The following PLCXD3 variants were observed in gnomAD, a reference collection of about 807,000 sequenced individuals.
PLCXD3 encodes phosphatidylinositol specific phospholipase C X domain containing 3, also known as PI-PLC X domain-containing protein 3.
A neutral mutation model predicts 25.5 loss-of-function variants in PLCXD3; 19 were observed. That is an observed-to-expected ratio of 0.75 (90% CI 0.52 to 1.09). The LOEUF is 1.09. Among genes scored for constraint, PLCXD3 ranks in the 50% least tolerant of loss-of-function variants. The pLI is 0.00. For synonymous variants in PLCXD3, 174 were observed against 137.6 expected (o/e 1.26, Z -1.85); for missense variants, 411 against 388.1 (o/e 1.06, Z -0.50).
At chr5:41,407,948 T>C (rs919038540) in intron 1 of PLCXD3, among the ~76,000 whole-genome samples, 1 of 152,198 alleles carries the variant, frequency 6.6e-6, no homozygotes, top group Non-Finnish European at 1.5e-5. Flanking sequence ...ATATTCAAGA[T>C]GCTAAATTTG....
chr5:41,431,836 G>C (rs571268385), intron 1 of PLCXD3, among the ~76,000 whole-genome samples: 1 of 152,218 alleles, frequency 6.6e-6, no homozygotes, highest in African/African-American at 2.4e-5. Context: ...TTTATTTTTA[G>C]AAATGTAGGA....
chr5:41,327,304 C>T (rs546773268), intron 2 of PLCXD3, among the ~76,000 whole-genome samples: 11 of 152,128 alleles, frequency 7.2e-5, no homozygotes, highest in East Asian at 5.8e-4. Flanking sequence ...TTGGCCAGGT[C>T]GTTAAGGACT....
intron 2 of PLCXD3, among the ~76,000 whole-genome samples, chr5:41,338,419 C>T (rs1478922688): frequency 1.3e-5 from 2 of 151,966 alleles, no homozygotes; most frequent in African/African-American, 4.8e-5. Flanking sequence ...TGAGAATAGC[C>T]CTGCTACTAC....
intron 1 of PLCXD3, among the ~76,000 whole-genome samples, chr5:41,415,487 C>G (rs1561266819): frequency 6.6e-6 from 1 of 152,198 alleles, no homozygotes; most frequent in Non-Finnish European, 1.5e-5. Flanking sequence ...AGAAATGACT[C>G]TCTTGTGTTG....
chr5:41,499,227 A>G (rs1328366549), intron 1 of PLCXD3, among the ~76,000 whole-genome samples: 2 of 151,624 alleles, frequency 1.3e-5, no homozygotes, highest in African/African-American at 2.4e-5. Context: ...ATCTCTGTAG[A>G]TAACATTTTA....
chr5:41,434,423 C>T (rs76120205), intron 1 of PLCXD3, among the ~76,000 whole-genome samples: 4,069 of 152,262 alleles, frequency 0.027, 89 homozygotes, highest in Non-Finnish European at 0.04. Flanking sequence ...GGGAGAATGG[C>T]TAATACCAGA....
At chr5:41,352,844 A>G (rs1481380976) in intron 2 of PLCXD3, among the ~76,000 whole-genome samples, 1 of 152,182 alleles carries the variant, frequency 6.6e-6, no homozygotes, top group Non-Finnish European at 1.5e-5. Context: ...GGAGTTAATT[A>G]CAAGAAAGGC....
chr5:41,387,766 C>T (rs529721689), intron 1 of PLCXD3, among the ~76,000 whole-genome samples: 20 of 152,208 alleles, frequency 1.3e-4, no homozygotes, highest in African/African-American at 4.6e-4. Flanking sequence ...TTATCAAGCA[C>T]CTGCTATAAG....
At chr5:41,498,650 T>C (rs866588791) in intron 1 of PLCXD3, among the ~76,000 whole-genome samples, 2 of 151,796 alleles carry the variant, frequency 1.3e-5, no homozygotes, top group South Asian at 2.1e-4. Context: ...CCAAATTCAT[T>C]CTGTGAGATC....
intron 2 of PLCXD3, among the ~76,000 whole-genome samples, chr5:41,369,575 G>A (rs1388885328): frequency 2.0e-5 from 3 of 152,014 alleles, no homozygotes; most frequent in African/African-American, 4.8e-5. Flanking sequence ...CGGCCTCCTG[G>A]GTTCAAGTGA....
In PLCXD3 at chr5:41,453,010, T is replaced by C. The variant is rs570919908; in HGVS notation, c.103+57414A>G. Reference sequence around the variant, plus strand: ...ATTTCACATATTTGTCATTCATTTGTAATGAGAATATTTAAAATCTACCCT... The same window carrying C: ...ATTTCACATATTTGTCATTCATTTGCAATGAGAATATTTAAAATCTACCCT... On this transcript the variant is annotated intron_variant, in intron 1 of 2. Coordinates refer to ENST00000377801, the MANE Select transcript of PLCXD3 (RefSeq NM_001005473.3). Among the ~76,000 whole-genome samples the C allele has an allele frequency of 6.6e-5, 10 of 152,130 alleles. No individual in the cohort carries two copies. In the South Asian group the frequency reaches 1.9e-3, roughly 28 times the overall value.
At position 41,464,989 on chromosome 5, in the gene PLCXD3, C is replaced by T. The variant is rs560779251; in HGVS notation, c.103+45435G>A. Among the ~76,000 whole-genome samples the T allele has an allele frequency of 2.0e-5, 3 of 152,092 alleles. No individual in the cohort carries two copies. The South Asian group carries it at 6.2e-4, about 32-fold the overall frequency. On this transcript the variant is annotated intron_variant, in intron 1 of 2. Coordinates refer to ENST00000377801, the MANE Select transcript of PLCXD3 (RefSeq NM_001005473.3). Reference sequence around the variant, plus strand: ...GTAGTGGTCATTTTCAAAATATCTGCTTCTTGTTTCATCATCCCTTGTTCT... The same window carrying T: ...GTAGTGGTCATTTTCAAAATATCTGTTTCTTGTTTCATCATCCCTTGTTCT...
intron 2 of PLCXD3, among the ~76,000 whole-genome samples, chr5:41,369,895 A>C (rs1472528642): frequency 6.6e-6 from 1 of 152,232 alleles, no homozygotes; most frequent in Non-Finnish European, 1.5e-5. Flanking sequence ...AGTAGCAGAC[A>C]ACACAGTGAA....
chr5:41,427,500 T>G (rs1252446328), intron 1 of PLCXD3, among the ~76,000 whole-genome samples: 1 of 152,208 alleles, frequency 6.6e-6, no homozygotes. Context: ...ATTATTTTAC[T>G]CTCCTTAATA....
At chr5:41,427,267 T>C (rs1746982861) in intron 1 of PLCXD3, among the ~76,000 whole-genome samples, 1 of 152,142 alleles carries the variant, frequency 6.6e-6, no homozygotes, top group South Asian at 2.1e-4. Context: ...TATCCTCTAG[T>C]TTGTATTCCA....
intron 1 of PLCXD3, chr5:41,475,498 C>G (rs1580391870): frequency 2.2e-6 from 1 of 450,548 alleles, no homozygotes; most frequent in East Asian, 5.6e-5. Context: ...AAATCCCTGT[C>G]TTTCCCTACC....
At chr5:41,315,079 A>T (rs766918382) in intron 2 of PLCXD3, among the ~76,000 whole-genome samples, 1 of 152,176 alleles carries the variant, frequency 6.6e-6, no homozygotes, top group Non-Finnish European at 1.5e-5. Flanking sequence ...TGCTGACAGA[A>T]TCATGGTGTG....
At chr5:41,393,277 T>C (rs1745891757) in intron 1 of PLCXD3, among the ~76,000 whole-genome samples, 1 of 152,158 alleles carries the variant, frequency 6.6e-6, no homozygotes, top group South Asian at 2.1e-4. Flanking sequence ...AGTCATCAGT[T>C]TCCAAAGCTC....
At chr5:41,360,426 G>A (rs560048703) in intron 2 of PLCXD3, among the ~76,000 whole-genome samples, 39 of 152,236 alleles carry the variant, frequency 2.6e-4, no homozygotes, top group African/African-American at 8.7e-4. Flanking sequence ...AGGTGTTAAA[G>A]AACCTCGTTT....
Sources: gnomAD v4.1 joint callset for allele counts (sites outside exome capture counted in the v4.1 genomes callset) on GRCh38, gnomAD v4.1.1 for gene constraint, MANE v1.5 for transcripts, NCBI Gene and HGNC (gene_info 2026-07-23, HGNC 2026-07-21) for gene names.